Variants in RANBP2 observed in about 807,000 individuals in gnomAD.
RANBP2 encodes RAN binding protein 2.
In RANBP2, 57 loss-of-function variants were observed where a neutral mutation model predicts 303.6. That is an observed-to-expected ratio of 0.19 (90% CI 0.15 to 0.23). RANBP2 has a LOEUF of 0.23. Among genes scored for constraint, RANBP2 ranks in the 10% least tolerant of loss-of-function variants. The pLI, the probability that RANBP2 is intolerant of heterozygous loss-of-function variation, is 1.00. For missense variants in RANBP2, 3,138 were observed against 3,780.8 expected (o/e 0.83, Z 4.46); for synonymous variants, 1,167 against 1,301.5 (o/e 0.90, Z 2.23).
the RANBP2 span, among the ~76,000 whole-genome samples, chr2:108,968,037 T>C: frequency 1.3e-5 from 2 of 152,152 alleles, no homozygotes; most frequent in Non-Finnish European, 1.5e-5. Context: ...GCATAGGACA[T>C]GCGCCCACTG....
the RANBP2 span, chr2:109,449,333 G>T: frequency 2.0e-5 from 32 of 1,604,756 alleles, no homozygotes; most frequent in East Asian, 7.2e-4. Flanking sequence ...GCCCACGGCC[G>T]GCCATCCCCC....
chr2:108,763,184 TATCTGTAGTTTTGTAGACA>T, intron 19 of RANBP2, 34 bp from the exon 20 acceptor site: 1 of 1,580,696 alleles, frequency 6.3e-7, no homozygotes. Flanking sequence ...TGCATTTAGT[TATCTGTAGTTTTGTAGACA>T]ATCTACAAAA....
chr2:109,126,091 C>T, the RANBP2 span, among the ~76,000 whole-genome samples: 3 of 152,240 alleles, frequency 2.0e-5, no homozygotes, highest in Non-Finnish European at 2.9e-5. Context: ...AGCTGGGCAG[C>T]AGCTACTTCC....
the RANBP2 span, among the ~76,000 whole-genome samples, chr2:109,732,143 C>T: frequency 1.3e-5 from 2 of 152,198 alleles, no homozygotes; most frequent in Non-Finnish European, 2.9e-5. Flanking sequence ...TAGGCGTGAA[C>T]TAGCATGCCT....
the RANBP2 span, among the ~76,000 whole-genome samples, chr2:109,371,171 C>G: frequency 6.6e-6 from 1 of 152,298 alleles, no homozygotes; most frequent in South Asian, 2.1e-4. Flanking sequence ...GGCAGATTGC[C>G]TGAGCTCAGG....
chr2:109,551,550 AG>A, the RANBP2 span, among the ~76,000 whole-genome samples: 2 of 152,242 alleles, frequency 1.3e-5, no homozygotes, highest in Non-Finnish European at 2.9e-5. Context: ...AATCTGAATA[AG>A]GACTGAAGAT....
At chr2:109,318,526 G>A in the RANBP2 span, among the ~76,000 whole-genome samples, 5 of 152,202 alleles carry the variant, frequency 3.3e-5, no homozygotes, top group Non-Finnish European at 4.4e-5. Flanking sequence ...TGGGATAAAC[G>A]CTGTGAGAGA....
chr2:109,166,469 A>AAAG, the RANBP2 span, among the ~76,000 whole-genome samples: 4 of 151,350 alleles, frequency 2.6e-5, no homozygotes, highest in Non-Finnish European at 5.9e-5. Context: ...GAAAAAAAAA[A>AAAG]AAAAAGAAAG....
At chr2:108,896,749 A>G in the RANBP2 span, 2 of 684,384 alleles carry the variant, frequency 2.9e-6, no homozygotes, top group African/African-American at 3.6e-5. Context: ...AAATTGGAAG[A>G]CAGGCCTTAT....
At chr2:109,411,974 G>A in the RANBP2 span, among the ~76,000 whole-genome samples, 1 of 152,308 alleles carries the variant, frequency 6.6e-6, no homozygotes, top group South Asian at 2.1e-4. Context: ...CTGTGTCAGG[G>A]TGGCCAAGGC....
the RANBP2 span, among the ~76,000 whole-genome samples, chr2:109,670,065 C>A: frequency 6.6e-6 from 1 of 152,214 alleles, no homozygotes; most frequent in Non-Finnish European, 1.5e-5. Flanking sequence ...CAGGCTACAG[C>A]CTCCAGGGTG....
chr2:108,948,987 C>A, the RANBP2 span, among the ~76,000 whole-genome samples: 1 of 152,092 alleles, frequency 6.6e-6, no homozygotes, highest in Non-Finnish European at 1.5e-5. Context: ...AAAACACATA[C>A]ATGTTTTTAG....
the RANBP2 span, among the ~76,000 whole-genome samples, chr2:109,146,437 A>G: frequency 6.6e-5 from 10 of 152,248 alleles, no homozygotes; most frequent in East Asian, 7.8e-4. Context: ...TTCTTGCATC[A>G]ATTCCGTGCC....
chr2:108,922,548 C>T, the RANBP2 span, among the ~76,000 whole-genome samples: 6 of 152,142 alleles, frequency 3.9e-5, no homozygotes, highest in African/African-American at 9.7e-5. Context: ...TTCTTTCCAG[C>T]GTGATAAGAC....
the RANBP2 span, among the ~76,000 whole-genome samples, chr2:109,356,054 A>G: frequency 6.6e-6 from 1 of 152,154 alleles, no homozygotes; most frequent in Non-Finnish European, 1.5e-5. Context: ...GAATGTTTTC[A>G]TTGCCCAGCA....
the RANBP2 span, chr2:108,812,566 G>A: frequency 1.2e-5 from 15 of 1,204,272 alleles, no homozygotes; most frequent in Non-Finnish European, 1.8e-5. Context: ...AGTAGATTGG[G>A]AAACCCTTAG....
At chr2:109,635,380 A>C in the RANBP2 span, among the ~76,000 whole-genome samples, 2 of 152,178 alleles carry the variant, frequency 1.3e-5, no homozygotes, top group Non-Finnish European at 2.9e-5. Context: ...ACAGGGTTTC[A>C]CAATGTTGGC....
At chr2:108,911,403 G>C in the RANBP2 span, among the ~76,000 whole-genome samples, 1 of 152,176 alleles carries the variant, frequency 6.6e-6, no homozygotes, top group Non-Finnish European at 1.5e-5. Context: ...AGAAAGGCCA[G>C]TGAACAAGAG....
chr2:109,735,835 CAGTGAAGGCAGAG>C, the RANBP2 span, among the ~76,000 whole-genome samples: 9 of 152,102 alleles, frequency 5.9e-5, no homozygotes, highest in Admixed American at 1.3e-4. Flanking sequence ...ACTCTGCCTT[CAGTGAAGGCAGAG>C]AAGAAATATG....
Sources: allele counts gnomAD v4.1 joint callset (sites outside exome capture counted in the v4.1 genomes callset), GRCh38; gene constraint gnomAD v4.1.1; transcripts MANE v1.5; gene names NCBI Gene and HGNC (gene_info 2026-07-23, HGNC 2026-07-21).